SMYD3: variants seen among roughly 807,000 people sequenced by gnomAD.
SMYD3 encodes SET and MYND domain containing 3.
A neutral mutation model predicts 57.7 loss-of-function variants in SMYD3; 36 were observed. That is an observed-to-expected ratio of 0.62 (90% confidence interval 0.48 to 0.82). SMYD3 has a LOEUF of 0.82. Among genes scored for constraint, SMYD3 ranks in the 40% least tolerant of loss-of-function variants. The pLI is 0.00. For synonymous variants in SMYD3, 211 were observed against 195.0 expected (o/e 1.08, Z -0.68); for missense variants, 515 against 538.8 (o/e 0.96, Z 0.44).
chr1:245,757,139 C>T (rs2045639889), intron 11 of SMYD3, among the ~76,000 whole-genome samples: 1 of 152,004 alleles, frequency 6.6e-6, no homozygotes, highest in African/African-American at 2.4e-5. Context: ...AATAGCTTCC[C>T]ATCCCCTCCT....
chr1:246,053,343 T>C (rs749445700), intron 5 of SMYD3, among the ~76,000 whole-genome samples: 1 of 152,028 alleles, frequency 6.6e-6, no homozygotes, highest in Non-Finnish European at 1.5e-5. Flanking sequence ...AAAAAATGTT[T>C]ATGAAAAGGC....
intron 10 of SMYD3, among the ~76,000 whole-genome samples, chr1:245,828,539 A>G (rs796580373): frequency 6.6e-6 from 1 of 152,190 alleles, no homozygotes; most frequent in African/African-American, 2.4e-5. Context: ...TAAAAGTTTT[A>G]TTGTATGTTT....
At chr1:246,030,677 AATT>A (rs2059655433) in intron 5 of SMYD3, among the ~76,000 whole-genome samples, 1 of 152,202 alleles carries the variant, frequency 6.6e-6, no homozygotes, top group Admixed American at 6.5e-5. Flanking sequence ...AAATGTGTAC[AATT>A]ATTATGTGTC....
At chr1:246,446,371 T>G (rs2067551921) in intron 1 of SMYD3, among the ~76,000 whole-genome samples, 1 of 152,182 alleles carries the variant, frequency 6.6e-6, no homozygotes, top group Non-Finnish European at 1.5e-5. Flanking sequence ...ATTTATCTAG[T>G]AAGAAAAGGC....
intron 5 of SMYD3, among the ~76,000 whole-genome samples, chr1:246,056,829 C>T (rs1246777902): frequency 1.3e-5 from 2 of 151,958 alleles, no homozygotes; most frequent in African/African-American, 4.8e-5. Flanking sequence ...CATTTAAGGA[C>T]TTCTTGCAAA....
intron 5 of SMYD3, among the ~76,000 whole-genome samples, chr1:246,224,725 G>A (rs914870734): frequency 3.3e-5 from 5 of 151,972 alleles, no homozygotes; most frequent in African/African-American, 1.2e-4. Context: ...AAGAAAGCAG[G>A]GGAAACAGAC....
At chr1:245,858,975 T>C (rs9287184) in intron 9 of SMYD3, among the ~76,000 whole-genome samples, 1 of 152,236 alleles carries the variant, frequency 6.6e-6, no homozygotes, top group South Asian at 2.1e-4. Context: ...AATCTAGTCA[T>C]AAATAAATGC....
chr1:245,900,769 A>G (rs1387967374), intron 8 of SMYD3, among the ~76,000 whole-genome samples: 1 of 152,218 alleles, frequency 6.6e-6, no homozygotes, highest in African/African-American at 2.4e-5. Context: ...AATTTTCTGA[A>G]GATCCACCAT....
chr1:246,412,049 G>A (rs560303505), intron 1 of SMYD3, among the ~76,000 whole-genome samples: 1 of 150,958 alleles, frequency 6.6e-6, no homozygotes, highest in Non-Finnish European at 1.5e-5. Flanking sequence ...CTCCCTGGCT[G>A]AGCCAACTTG....
chr1:246,004,367 G>C (rs1009460729), intron 5 of SMYD3, among the ~76,000 whole-genome samples: 2 of 152,166 alleles, frequency 1.3e-5, no homozygotes, highest in Non-Finnish European at 2.9e-5. Flanking sequence ...ATGAGCACCA[G>C]GGTGAAGATG....
Position 246,446,840 on chromosome 1 carries a change from T to C in SMYD3, c.164+60214A>G, listed in dbSNP as rs529944382. 4.6e-5 allele frequency among the ~76,000 whole-genome samples: 7 copies of C among 152,180 alleles called. No homozygotes were observed. In the East Asian group the frequency reaches 7.7e-4, roughly 17 times the overall value. ...GTCGGGAGATCGACACCATCCTGGC[T>C]AACATGATGAAACCCCGTCTCTACT... On this transcript the variant is annotated intron_variant, in intron 1 of 11. Transcript: ENST00000490107.
chr1:246,486,679 CTCA>C (rs1321181538), intron 1 of SMYD3, among the ~76,000 whole-genome samples: 3 of 152,232 alleles, frequency 2.0e-5, no homozygotes, highest in African/African-American at 7.2e-5. Flanking sequence ...GGAAGCAGCG[CTCA>C]AACCTAAGAC....
At chr1:246,143,883 T>C (rs979899859) in intron 5 of SMYD3, among the ~76,000 whole-genome samples, 1 of 152,174 alleles carries the variant, frequency 6.6e-6, no homozygotes, top group Non-Finnish European at 1.5e-5. Context: ...ATCAAGATAT[T>C]GAACATTTGA....
chr1:246,484,252 A>ACG (rs1254799574), intron 1 of SMYD3, among the ~76,000 whole-genome samples: 1 of 49,520 alleles, frequency 2.0e-5, no homozygotes, highest in Non-Finnish European at 3.3e-5. Context: ...ACACCTAAAA[A>ACG]CACATCACTT....
At chr1:245,891,962 C>T (rs757414331) in intron 8 of SMYD3, among the ~76,000 whole-genome samples, 42 of 152,088 alleles carry the variant, frequency 2.8e-4, no homozygotes, top group Non-Finnish European at 5.3e-4. Flanking sequence ...GGGAGGATTG[C>T]CTGAGCCCAG....
At chr1:246,506,335 T>C (rs2068536857) in intron 1 of SMYD3, among the ~76,000 whole-genome samples, 1 of 152,168 alleles carries the variant, frequency 6.6e-6, no homozygotes, top group African/African-American at 2.4e-5. Context: ...CGTGAATCCC[T>C]GCATCTAGAA....
intron 7 of SMYD3, among the ~76,000 whole-genome samples, chr1:245,925,840 A>G (rs1331117489): frequency 6.6e-6 from 1 of 152,258 alleles, no homozygotes; most frequent in East Asian, 1.9e-4. Context: ...ACTATAAGCG[A>G]GAACTCAAAG....
intron 5 of SMYD3, chr1:246,186,756 G>A (rs568669605): frequency 2.0e-6 from 2 of 985,198 alleles, no homozygotes; most frequent in Non-Finnish European, 2.4e-6. Flanking sequence ...AATCCCACCA[G>A]GGCAAAAGGT....
intron 1 of SMYD3, among the ~76,000 whole-genome samples, chr1:246,378,743 T>TA: frequency 1.0e-5 from 1 of 99,330 alleles, no homozygotes; most frequent in Non-Finnish European, 1.9e-5. Context: ...TATATATAAT[T>TA]ATATATAATA....
Sources: allele counts gnomAD v4.1 joint callset (sites outside exome capture counted in the v4.1 genomes callset), GRCh38; gene constraint gnomAD v4.1.1; transcripts MANE v1.5; gene names NCBI Gene and HGNC (gene_info 2026-07-23, HGNC 2026-07-21).